ZMYM4: variants seen among roughly 807,000 people sequenced by gnomAD.
ZMYM4 encodes zinc finger MYM-type protein 4.
A neutral mutation model predicts 183.2 loss-of-function variants in ZMYM4; 31 were observed. The ratio of observed to expected loss-of-function variants is 0.17; its 90% CI spans 0.13 to 0.23. The LOEUF (loss-of-function observed/expected upper bound fraction) is 0.23. Among genes scored for constraint, ZMYM4 ranks in the 10% least tolerant of loss-of-function variants. The probability of loss-of-function intolerance (pLI) is 1.00; values close to 1 mark genes in which losing one functional copy is unlikely to be tolerated. For synonymous variants in ZMYM4, 592 were observed against 631.2 expected, an observed-to-expected ratio of 0.94 and a Z score of 0.93; for missense variants, 1,273 against 1,840.3, an observed-to-expected ratio of 0.69 and a Z score of 5.64.
intron 15 of ZMYM4, among the ~76,000 whole-genome samples, chr1:35,391,462 TATC>T (rs1433623124): frequency 1.3e-5 from 2 of 152,162 alleles, no homozygotes; most frequent in African/African-American, 4.8e-5. Context: ...ACAACACTAG[TATC>T]ATCCTGAAAG....
At chr1:35,362,701 G>GT (rs1643967082) in intron 5 of ZMYM4, among the ~76,000 whole-genome samples, 1 of 151,522 alleles carries the variant, frequency 6.6e-6, no homozygotes, top group South Asian at 2.1e-4. Flanking sequence ...CTTTCTTTTT[G>GT]TTTTTTCTCT....
At chr1:35,407,469 T>C (rs964767825) in intron 25 of ZMYM4, among the ~76,000 whole-genome samples, 9 of 152,062 alleles carry the variant, frequency 5.9e-5, no homozygotes, top group Non-Finnish European at 1.2e-4. Context: ...GTTGAATAGC[T>C]TTCTTTTTTG....
intron 1 of ZMYM4, among the ~76,000 whole-genome samples, chr1:35,293,460 A>G (rs1409752284): frequency 6.6e-6 from 1 of 151,862 alleles, no homozygotes; most frequent in Non-Finnish European, 1.5e-5. Context: ...ATTACAGGCA[A>G]TGCGCCACCA....
chr1:35,410,613 C>G (rs894056133), intron 26 of ZMYM4, among the ~76,000 whole-genome samples: 1 of 151,344 alleles, frequency 6.6e-6, no homozygotes, highest in Admixed American at 6.6e-5. Flanking sequence ...GTCAGCCTCC[C>G]GAGTAGCTGG....
chr1:35,327,992 T>C (rs1267883869), intron 2 of ZMYM4, among the ~76,000 whole-genome samples: 2 of 152,220 alleles, frequency 1.3e-5, no homozygotes, highest in South Asian at 4.1e-4. Context: ...AAATAATGTT[T>C]GAATACCTAT....
chr1:35,384,134 A>G (rs1411812336), intron 9 of ZMYM4, among the ~76,000 whole-genome samples: 2 of 152,178 alleles, frequency 1.3e-5, no homozygotes, highest in Admixed American at 6.5e-5. Flanking sequence ...TAGAGATGCT[A>G]TGATGGAAGT....
chr1:35,273,940 A>G (rs952265605), intron 1 of ZMYM4, among the ~76,000 whole-genome samples: 5 of 152,094 alleles, frequency 3.3e-5, no homozygotes, highest in African/African-American at 1.2e-4. Context: ...TTGAACACAC[A>G]TATAGACAGT....
chr1:35,361,568 G>A (rs1643936903), intron 4 of ZMYM4, 51 bp from the exon 5 acceptor site: 1 of 1,562,592 alleles, frequency 6.4e-7, no homozygotes, highest in Non-Finnish European at 8.7e-7. Flanking sequence ...AACCTGAAGA[G>A]GAATCATTTT....
intron 7 of ZMYM4, among the ~76,000 whole-genome samples, chr1:35,375,269 G>A (rs759794209): frequency 3.3e-5 from 5 of 151,930 alleles, no homozygotes; most frequent in Admixed American, 6.6e-5. Flanking sequence ...TTAATCTCCT[G>A]TTCAACACTA....
intron 1 of ZMYM4, among the ~76,000 whole-genome samples, chr1:35,282,964 GT>G (rs1304908952): frequency 3.9e-5 from 2 of 51,624 alleles, no homozygotes; most frequent in Non-Finnish European, 1.0e-4. Flanking sequence ...AATACTTGTT[GT>G]TTTCTGTGTG....
chr1:35,402,769 C>T (rs988151820), intron 23 of ZMYM4, among the ~76,000 whole-genome samples: 2 of 152,116 alleles, frequency 1.3e-5, no homozygotes, highest in African/African-American at 2.4e-5. Flanking sequence ...TGACTTTGCT[C>T]AACTAAAATC....
intron 2 of ZMYM4, among the ~76,000 whole-genome samples, chr1:35,335,722 G>C (rs888746638): frequency 6.6e-6 from 1 of 152,180 alleles, no homozygotes; most frequent in African/African-American, 2.4e-5. Context: ...GGGAGGTCAA[G>C]GTGGGTGGAT....
chr1:35,359,331 G>C lies in ZMYM4; in HGVS notation c.492G>C (p.Glu164Asp), dbSNP rs536720693. ...GTCTAGTAAGAGAAAACAGCAAAGA[G>C]ACATTTTCTGGAAAGGAGAAAAATA... is the stretch of plus-strand genomic sequence containing the variant. ...DFSLVRENSK[E>D]TFSGKEKNRD... Residue 164 changes from glutamate (E) to aspartate (D), a missense_variant, in exon 3 of 30, where the codon GAG (glutamate) becomes GAC (aspartate). Around this residue, in one of 6 missense-constraint regions of ZMYM4, gnomAD observed 384 missense variants for 465.6 expected, o/e 0.82. Transcript: ENST00000314607. 4.3e-6 allele frequency: 7 copies of C among 1,610,854 alleles called. No individual in the cohort carries two copies. The highest frequency in any genetic ancestry group is 5.9e-6 in the Non-Finnish European group (7 of 1,179,084).
intron 5 of ZMYM4, among the ~76,000 whole-genome samples, chr1:35,362,160 C>T (rs983083644): frequency 6.6e-6 from 1 of 152,124 alleles, no homozygotes; most frequent in African/African-American, 2.4e-5. Flanking sequence ...TAATGAAGTA[C>T]AGGCTATATA....
rs976167304 is a variant in ZMYM4 at position 35,404,936 on chromosome 1, T to A, written c.3529-87T>A. On this transcript the variant is annotated intron_variant, in intron 23 of 29. Transcript: ENST00000314607. ...AAAACTAAATTCTTTATTCTACAAA[T>A]GTATACCCTTTCCAGCTTTGAGAAC... 3.0e-5 allele frequency: 40 copies of A among 1,344,194 alleles called. No homozygotes were observed. In the African/African-American group the frequency reaches 5.3e-4, roughly 18 times the overall value. 83.3% of individuals were successfully genotyped at this position (1,344,194 alleles called of 1,614,324 possible).
intron 13 of ZMYM4, 95 bp from the exon 14 acceptor site, chr1:35,388,815 T>G: frequency 2.6e-6 from 3 of 1,136,754 alleles, no homozygotes; most frequent in Non-Finnish European, 3.8e-6. Flanking sequence ...GGATTACAGG[T>G]GTGAGCCACT....
intron 9 of ZMYM4, among the ~76,000 whole-genome samples, chr1:35,382,893 G>T (rs1024738774): frequency 6.6e-6 from 1 of 152,136 alleles, no homozygotes; most frequent in Non-Finnish European, 1.5e-5. Flanking sequence ...TTTCCAGCAT[G>T]TGAGATTTGC....
At chr1:35,379,479 G>A (rs918244116) in intron 7 of ZMYM4, among the ~76,000 whole-genome samples, 3 of 152,104 alleles carry the variant, frequency 2.0e-5, no homozygotes, top group African/African-American at 7.2e-5. Flanking sequence ...CAGTTGATCC[G>A]CCCGCCTCGG....
chr1:35,381,465 A>T, intron 8 of ZMYM4, 32 bp downstream of exon 8: 1 of 1,605,048 alleles, frequency 6.2e-7, no homozygotes, highest in Non-Finnish European at 8.5e-7. Context: ...TTGGGGCAGG[A>T]GTCTAATACG....
Sources: allele counts gnomAD v4.1 joint callset (sites outside exome capture counted in the v4.1 genomes callset), GRCh38; gene constraint gnomAD v4.1.1; regional missense constraint gnomAD v4.1.1; transcripts MANE v1.5; gene names NCBI Gene and HGNC (gene_info 2026-07-23, HGNC 2026-07-21).